The following SPTLC1 variants were observed in gnomAD, a reference collection of about 807,000 sequenced individuals.
SPTLC1 encodes the protein serine palmitoyltransferase long chain base subunit 1.
A neutral mutation model predicts 68.9 loss-of-function variants in SPTLC1; 55 were observed. The ratio of observed to expected loss-of-function variants is 0.80; its 90% CI spans 0.64 to 1.00. The LOEUF (loss-of-function observed/expected upper bound fraction) is 1.00. Among genes scored for constraint, SPTLC1 ranks in the 50% least tolerant of loss-of-function variants. SPTLC1 has a pLI of 0.00. For missense variants in SPTLC1, 449 were observed against 573.1 expected (o/e 0.78, Z 2.21); for synonymous variants, 197 against 201.6 (o/e 0.98, Z 0.19).
intron 12 of SPTLC1, among the ~76,000 whole-genome samples, chr9:92,040,211 A>AT (rs1435007287): frequency 6.6e-6 from 1 of 151,930 alleles, no homozygotes; most frequent in Admixed American, 6.6e-5. Flanking sequence ...CTCTACTAAA[A>AT]ATATAAAAAT....
At chr9:92,062,644 A>G (rs1564094661) in intron 6 of SPTLC1, among the ~76,000 whole-genome samples, 1 of 152,230 alleles carries the variant, frequency 6.6e-6, no homozygotes, top group Non-Finnish European at 1.5e-5. Context: ...CCTGAAAAGT[A>G]AACAATACAC....
At chr9:92,083,094 T>C (rs2118696727) in intron 3 of SPTLC1, among the ~76,000 whole-genome samples, 1 of 151,406 alleles carries the variant, frequency 6.6e-6, no homozygotes, top group African/African-American at 2.4e-5. Flanking sequence ...ATTGTTTGTT[T>C]TTTTCTTGTA....
At chr9:92,040,350 A>G (rs769243525) in intron 12 of SPTLC1, among the ~76,000 whole-genome samples, 1 of 152,180 alleles carries the variant, frequency 6.6e-6, no homozygotes. Context: ...AGCCTGGGCA[A>G]CAAAAGCAAG....
chr9:92,055,093 C>G (rs1028226244), intron 8 of SPTLC1: 5 of 308,750 alleles, frequency 1.6e-5, no homozygotes, highest in Non-Finnish European at 1.9e-5. Flanking sequence ...GGTGTGGTGG[C>G]ATGTGCCTGT....
intron 10 of SPTLC1, 103 bp downstream of exon 10, chr9:92,047,508 TTG>T: frequency 1.3e-6 from 1 of 793,734 alleles, no homozygotes; most frequent in Non-Finnish European, 2.1e-6. Flanking sequence ...TAAATAAAAA[TTG>T]TGTGATAAAC....
chr9:92,086,715 T>C (rs1196142919), intron 3 of SPTLC1, among the ~76,000 whole-genome samples: 5 of 151,638 alleles, frequency 3.3e-5, no homozygotes, highest in African/African-American at 9.7e-5. Flanking sequence ...CTGACAATTA[T>C]GTGTCTTGGA....
intron 2 of SPTLC1, chr9:92,109,593 A>C (rs1306125863): frequency 6.6e-6 from 1 of 152,246 alleles, no homozygotes; most frequent in Non-Finnish European, 1.5e-5. Context: ...TCTACAGCTC[A>C]ACATTCTTTA....
At chr9:92,041,712 A>C (rs1833354522) in intron 12 of SPTLC1, among the ~76,000 whole-genome samples, 1 of 152,248 alleles carries the variant, frequency 6.6e-6, no homozygotes, top group South Asian at 2.1e-4. Flanking sequence ...AACAGATATA[A>C]AAAGTCAAAT....
intron 3 of SPTLC1, among the ~76,000 whole-genome samples, chr9:92,097,511 G>A (rs765461976): frequency 5.9e-5 from 9 of 152,244 alleles, no homozygotes; most frequent in East Asian, 1.9e-4. Context: ...AATGAAGTAC[G>A]GATACATGCT....
intron 14 of SPTLC1, among the ~76,000 whole-genome samples, chr9:92,033,006 C>A (rs565958386): frequency 2.9e-4 from 44 of 152,196 alleles, no homozygotes; most frequent in Admixed American, 8.5e-4. Flanking sequence ...AAACAAACCT[C>A]TCCTGGCAGT....
rs139980134 is a variant in SPTLC1, at chr9:92,068,025, T to C, written c.501A>G (p.Gly167=). ...GAATAGCACTGGCTATGGTGGCAAA[T>C]CCATATGAGTATATAATGGCTTCTT... The part of the protein sequence containing the change: ...KTEEAIIYSY[G]FATIASAIPA... The change falls in exon 6 of 15, where the codon GGA becomes GGG. Residue 167 remains glycine (G), a synonymous_variant. Transcript: ENST00000262554. 75 of 1,614,104 alleles carry C rather than the reference T, an allele frequency of 4.6e-5. No individual in the cohort carries two copies. The East Asian group carries it at 8.0e-4, about 17-fold the overall frequency.
rs560336428 is a variant in SPTLC1 at position 92,054,923 on chromosome 9, A to C, written c.780+482T>G. Among the ~76,000 whole-genome samples the C allele has an allele frequency of 5.9e-5, 9 of 152,080 alleles. No individual in the cohort carries two copies. The South Asian group carries it at 1.9e-3, about 32-fold the overall frequency. On this transcript the variant is annotated intron_variant, in intron 8 of 14. Transcript: ENST00000262554. Reference sequence around the variant, plus strand: ...AAGACTGTCTTGCGGGGGAGAAAAAAAAAGCTAAAGCTAAGTTTTGGCCAG... The same window carrying C: ...AAGACTGTCTTGCGGGGGAGAAAAACAAAGCTAAAGCTAAGTTTTGGCCAG...
At chr9:92,092,086 T>G (rs1835382641) in intron 3 of SPTLC1, among the ~76,000 whole-genome samples, 1 of 152,166 alleles carries the variant, frequency 6.6e-6, no homozygotes, top group Admixed American at 6.5e-5. Context: ...TCTCATTCAT[T>G]TACATACCAG....
In SPTLC1 at chr9:92,032,414, G is replaced by C; in HGVS notation, c.*51C>G. 1.2e-6 allele frequency: 2 copies of C among 1,613,628 alleles called. No individual in the cohort carries two copies. The highest frequency in any genetic ancestry group is 1.7e-6 in the Non-Finnish European group (2 of 1,179,934). On this transcript the variant is annotated 3_prime_UTR_variant, in exon 15 of 15. Coordinates refer to ENST00000262554, the MANE Select transcript of SPTLC1 (RefSeq NM_006415.4). ...CCACTCCATGGCCAGCGGGAGTCTT[G>C]AGTCCTCTCTGCGTGTTGTGTGGCA...
At chr9:92,070,662 T>G (rs1335748144) in intron 5 of SPTLC1, among the ~76,000 whole-genome samples, 1 of 152,122 alleles carries the variant, frequency 6.6e-6, no homozygotes, top group Non-Finnish European at 1.5e-5. Context: ...CTGGGCAGCC[T>G]TGGTGCCTTC....
chr9:92,080,811 T>C (rs1834855183), intron 4 of SPTLC1, 59 bp downstream of exon 4: 4 of 1,391,718 alleles, frequency 2.9e-6, no homozygotes, highest in African/African-American at 2.9e-5. Context: ...TTGTCTTTTA[T>C]GTCTAGTTTC....
intron 5 of SPTLC1, among the ~76,000 whole-genome samples, chr9:92,072,153 T>G (rs562202555): frequency 6.6e-6 from 1 of 152,036 alleles, no homozygotes; most frequent in South Asian, 2.1e-4. Flanking sequence ...AAGCCCGGGA[T>G]AGGGGAACTC....
At chr9:92,086,353 T>G (rs1373157204) in intron 3 of SPTLC1, among the ~76,000 whole-genome samples, 2 of 152,234 alleles carry the variant, frequency 1.3e-5, no homozygotes, top group Non-Finnish European at 2.9e-5. Context: ...GTCTTTACAT[T>G]TTGGCATGAT....
chr9:92,097,216 GGAA>G (rs1288493201), intron 3 of SPTLC1, among the ~76,000 whole-genome samples: 2 of 152,124 alleles, frequency 1.3e-5, no homozygotes, highest in Non-Finnish European at 2.9e-5. Context: ...GTAGCTAGTG[GGAA>G]TATAAAATGA....
Sources: allele counts gnomAD v4.1 joint callset (sites outside exome capture counted in the v4.1 genomes callset), GRCh38; gene constraint gnomAD v4.1.1; transcripts MANE v1.5; gene names NCBI Gene and HGNC (gene_info 2026-07-23, HGNC 2026-07-21).